TBC1D17: variants seen among roughly 807,000 people sequenced by gnomAD.
TBC1D17 encodes TBC1 domain family member 17, also known as TBC1 domain family, member 17.
A neutral mutation model predicts 78.8 loss-of-function variants in TBC1D17; 69 were observed. The observed-to-expected ratio is 0.88, with a 90% CI of 0.72 to 1.07. The LOEUF is 1.07. Among genes scored for constraint, TBC1D17 ranks in the 50% least tolerant of loss-of-function variants. The pLI, the probability that TBC1D17 is intolerant of heterozygous loss-of-function variation, is 0.00. For missense variants in TBC1D17, 957 were observed against 861.0 expected (o/e 1.11, Z -1.39); for synonymous variants, 456 against 358.3 (o/e 1.27, Z -3.08).
intron 3 of TBC1D17, 123 bp downstream of exon 3, chr19:49,878,695 A>C: frequency 1.1e-6 from 1 of 876,264 alleles, no homozygotes; most frequent in Non-Finnish European, 1.8e-6. Context: ...GACCCTGTTT[A>C]GGCTTGGGTA....
In TBC1D17 at chr19:49,878,184, TAAG is replaced by T. The variant is rs2074976524; in HGVS notation, c.67_69del (p.Lys23del). 1.9e-6 allele frequency: 3 copies of T among 1,576,010 alleles called. No individual in the cohort carries two copies. The highest frequency in any genetic ancestry group is 2.6e-6 in the Non-Finnish European group (3 of 1,161,194). On this transcript the variant is annotated inframe_deletion, in exon 2 of 17. Transcript: ENST00000221543. ...GCGGAGTGTACCTGCACACCAGCGC[TAAG>T]AAGTATCAGGACCGAGACTCTCTCA...
intron 1 of TBC1D17, 98 bp downstream of exon 1, chr19:49,877,842 A>G (rs984873315): frequency 8.4e-6 from 12 of 1,425,996 alleles, no homozygotes; most frequent in Non-Finnish European, 1.1e-5. Context: ...AGAATCCGGC[A>G]CGGCCTTGGC....
intron 15 of TBC1D17, 195 bp downstream of exon 15, chr19:49,888,029 G>C: frequency 1.0e-6 from 1 of 999,764 alleles, no homozygotes; most frequent in Non-Finnish European, 1.5e-6. Flanking sequence ...CCTCCGGGCA[G>C]GTGGGTGGGG....
At chr19:49,884,206 G>GC (rs749370951) in intron 10 of TBC1D17, 47 bp from the exon 11 acceptor site, 55 of 1,560,450 alleles carry the variant, frequency 3.5e-5, no homozygotes, top group Non-Finnish European at 4.8e-5. Context: ...GCAGGGATGG[G>GC]CCCCCCTACC....
chr19:49,882,148 TGTCA>T lies in TBC1D17; in HGVS notation c.638_639+2del. The T allele has an allele frequency of 6.2e-7, 1 of 1,614,042 alleles. No homozygotes were observed. Among genetic ancestry groups the T allele is most frequent in the Non-Finnish European group, 8.5e-7 (1 of 1,179,990 alleles). ...TTTGACCAGGACAGCTCCAATGTGG[TGTCA>T]GTGAGTGTCCCCAGCAGGAGGCCTG... On this transcript the variant is annotated frameshift_variant and splice_region_variant, in exon 6 of 17. Coordinates refer to ENST00000221543, the MANE Select transcript of TBC1D17 (RefSeq NM_024682.3). LOFTEE classifies it high-confidence loss of function.
chr19:49,883,194 G>A (rs532830686), intron 9 of TBC1D17, 118 bp downstream of exon 9: 53 of 895,028 alleles, frequency 5.9e-5, no homozygotes, highest in East Asian at 3.7e-4. Flanking sequence ...ACCATCCTGC[G>A]CCTGTGGAAT....
rs1344067768 is a variant in TBC1D17 at position 49,888,420 on chromosome 19, C to G, written c.1747-4C>G. 11 of 1,599,122 alleles carry G rather than the reference C, an allele frequency of 6.9e-6. No individual in the cohort carries two copies. Among genetic ancestry groups the G allele is most frequent in the African/African-American group, 1.3e-5 (1 of 74,524 alleles). On this transcript the variant is annotated splice_region_variant and splice_polypyrimidine_tract_variant and intron_variant, in intron 16 of 16. Transcript: ENST00000221543. ...TTTTCGCTTCTCTCATCCCGTGCCT[C>G]CAGGAGCTGCCCCACAACGTGCAGG...
chr19:49,878,278 A>AGCGGGATGCAGGCGGT, intron 2 of TBC1D17, 37 bp downstream of exon 2: 1 of 1,538,388 alleles, frequency 6.5e-7, no homozygotes, highest in Non-Finnish European at 8.8e-7. Context: ...ACCCGCTCCG[A>AGCGGGATGCAGGCGGT]GCGGGATGCA....
chr19:49,882,242 C>T lies in TBC1D17; in HGVS notation c.640C>T (p.Arg214Cys), dbSNP rs1226568213. The T allele has an allele frequency of 3.1e-6, 5 of 1,612,046 alleles. No individual in the cohort carries two copies. The highest frequency in any genetic ancestry group is 2.7e-5 in the African/African-American group (2 of 74,910). ...GACCTCCCTTTGGCCTCGTCCCCAGCGCTTCCTCCAGGATCCCTACTCCAC... is the reference window on the plus strand; with the variant it reads ...GACCTCCCTTTGGCCTCGTCCCCAGTGCTTCCTCCAGGATCCCTACTCCAC... ...FDQDSSNVVS[R>C]FLQDPYSTTF... The change falls in exon 7 of 17, where the codon CGC becomes TGC. Residue 214 changes from arginine (R) to cysteine (C), a missense_variant and splice_region_variant. By Grantham distance (180) the Arg-to-Cys change is radical (BLOSUM62 -3). Transcript: ENST00000221543.
Position 49,884,302 on chromosome 19 carries a change from C to G in TBC1D17, c.1176C>G (p.Pro392=), listed in dbSNP as rs113433758. ...TDRTNKFYEG[P]ENPGLGLLND... is the part of the protein sequence containing the mutation. ...GGACCAACAAGTTCTACGAGGGTCCCGAGAACCCGGGGCTGGGCCTGCTGA... is the reference window on the plus strand; with the variant it reads ...GGACCAACAAGTTCTACGAGGGTCCGGAGAACCCGGGGCTGGGCCTGCTGA... Residue 392 remains proline, a synonymous_variant, in exon 11 of 17, where the codon CCC becomes CCG. Coordinates refer to ENST00000221543, the MANE Select transcript of TBC1D17 (RefSeq NM_024682.3). 1.2e-6 allele frequency: 2 copies of G among 1,613,856 alleles called. No homozygotes were observed. The highest frequency in any genetic ancestry group is 1.3e-5 in the African/African-American group (1 of 74,908).
chr19:49,880,298 CAT>C lies in TBC1D17; in HGVS notation c.216_217del (p.Ala74PhefsTer2), dbSNP rs770703887. On this transcript the variant is annotated frameshift_variant, in exon 4 of 17. Coordinates refer to ENST00000221543, the MANE Select transcript of TBC1D17 (RefSeq NM_024682.3). LOFTEE classifies it high-confidence loss of function. The stretch of plus-strand genomic sequence containing the variant: ...CCTAAGGACTCCAGTGGGGGTGACT[CAT>C]GTGCTTCTGAGGAGGAACCAACCTT... 2.3e-5 allele frequency: 37 copies of C among 1,613,972 alleles called. No individual in the cohort carries two copies. Among genetic ancestry groups the C allele is most frequent in the African/African-American group, 8.0e-5 (6 of 74,934 alleles).
chr19:49,880,677 C>T (rs1000233165), intron 4 of TBC1D17, among the ~76,000 whole-genome samples: 1 of 152,162 alleles, frequency 6.6e-6, no homozygotes, highest in Non-Finnish European at 1.5e-5. Flanking sequence ...CCCTGAGGTT[C>T]GAGGCTGGTG....
Position 49,888,526 on chromosome 19 carries a change from G to GCCCCCC in TBC1D17, c.1853_1854insCCCCCC (p.Pro618_Pro619dup). 1.3e-6 allele frequency: 2 copies of GCCCCCC among 1,533,214 alleles called. No individual in the cohort carries two copies. The highest frequency in any genetic ancestry group is 1.8e-6 in the Non-Finnish European group (2 of 1,141,156). 95.0% of individuals were successfully genotyped at this position (1,533,214 alleles called of 1,614,324 possible). On this transcript the variant is annotated inframe_insertion, in exon 17 of 17. Transcript: ENST00000221543. ...CCCGCTGCCTCTGTCGCCCACCCGG[G>GCCCCCC]CCCCGCCCACCCCGCCGCCCTCCAC...
In TBC1D17 at chr19:49,882,856, G is replaced by A. The variant is rs2075027707; in HGVS notation, c.891G>A (p.Gln297=). ...ACGTGGGCCCTGAAGGTCGCCTGCA[G>A]CAGGTCCCTGAGCTGAAGAACCGGA... ...ARHVGPEGRL[Q]QVPELKNRIF... Residue 297 remains glutamine, a synonymous_variant, in exon 8 of 17, where the codon CAG becomes CAA. Coordinates refer to ENST00000221543, the MANE Select transcript of TBC1D17 (RefSeq NM_024682.3). 1 of 1,611,248 alleles carries A rather than the reference G, an allele frequency of 6.2e-7. No homozygotes were observed. The highest frequency in any genetic ancestry group is 8.5e-7 in the Non-Finnish European group (1 of 1,179,266).
At position 49,882,085 on chromosome 19, in the gene TBC1D17, CCT is replaced by C; in HGVS notation, c.575_576del (p.Ser192CysfsTer13). ...CTCTACCTTGTCTTCCCCCACGACT[CCT>C]CTGCTCTCTCCAACTCCTTCCACCA... is the stretch of plus-strand genomic sequence containing the variant. On this transcript the variant is annotated frameshift_variant, in exon 6 of 17. Transcript: ENST00000221543. LOFTEE classifies it high-confidence loss of function. 2 of 1,614,164 alleles carry C rather than the reference CCT, an allele frequency of 1.2e-6. No individual in the cohort carries two copies. The highest frequency in any genetic ancestry group is 1.7e-6 in the Non-Finnish European group (2 of 1,180,012).
At position 49,880,326 on chromosome 19, in the gene TBC1D17, T is replaced by C. The variant is rs2075002213; in HGVS notation, c.243T>C (p.Phe81=). The C allele has an allele frequency of 3.1e-6, 5 of 1,613,976 alleles. No individual in the cohort carries two copies. ...GTGCTTCTGAGGAGGAACCAACCTT[T>C]GACCCCGGCTATGAACCTGACTGGG... is the stretch of plus-strand genomic sequence containing the variant. ...DSCASEEEPT[F]DPGYEPDWAV... is the part of the protein sequence containing the mutation. The change falls in exon 4 of 17, where the codon TTT becomes TTC. Residue 81 remains phenylalanine, a synonymous_variant. Transcript: ENST00000221543.
chr19:49,884,178 G>A lies in TBC1D17; in HGVS notation c.1127-75G>A, dbSNP rs538468622. ...GGCTGCCAGCAGGAGGAGCAGTGGGGGCTGGCACTGGTGGCCAGCAGGGAT... is the reference window on the plus strand; with the variant it reads ...GGCTGCCAGCAGGAGGAGCAGTGGGAGCTGGCACTGGTGGCCAGCAGGGAT... On this transcript the variant is annotated intron_variant, in intron 10 of 16. Coordinates refer to ENST00000221543, the MANE Select transcript of TBC1D17 (RefSeq NM_024682.3). The A allele has an allele frequency of 1.7e-3, 2,219 of 1,331,446 alleles. 2 individuals are homozygous for A. The highest frequency in any genetic ancestry group is 2.7e-3 in the Admixed American group (155 of 58,360). 82.5% of individuals were successfully genotyped at this position (1,331,446 alleles called of 1,614,324 possible). A position where few individuals can be genotyped will look rare whatever the true frequency, so the allele number is the denominator to read the frequency against.
rs771575516 is a variant in TBC1D17 at position 49,888,224 on chromosome 19, C to T, written c.1660-7C>T. The stretch of plus-strand genomic sequence containing the variant: ...CCGACTGGCGCCTGACCCACCCCCT[C>T]CCGCAGCACATCAACGAGCTGACTA... On this transcript the variant is annotated splice_region_variant and splice_polypyrimidine_tract_variant and intron_variant, in intron 15 of 16. Transcript: ENST00000221543. 7.6e-6 allele frequency: 12 copies of T among 1,575,524 alleles called. No homozygotes were observed. Among genetic ancestry groups the T allele is most frequent in the East Asian group, 2.3e-5 (1 of 42,996 alleles).
Position 49,884,763 on chromosome 19 carries a change from G to T in TBC1D17, c.1444+5G>T. 1.9e-6 allele frequency: 3 copies of T among 1,613,490 alleles called. No individual in the cohort carries two copies. Among genetic ancestry groups the T allele is most frequent in the South Asian group, 2.2e-5 (2 of 91,084 alleles). On this transcript the variant is annotated splice_donor_5th_base_variant and intron_variant, in intron 13 of 16. Coordinates refer to ENST00000221543, the MANE Select transcript of TBC1D17 (RefSeq NM_024682.3). ...CCCTGCTCTGCGACTTCCTGGGTAT[G>T]TCTCTCGGGAGGGTGGGCAGGAGAC... is the stretch of plus-strand genomic sequence containing the variant.
Sources: allele counts gnomAD v4.1 joint callset (sites outside exome capture counted in the v4.1 genomes callset), GRCh38; gene constraint gnomAD v4.1.1; transcripts MANE v1.5; gene names NCBI Gene and HGNC (gene_info 2026-07-23, HGNC 2026-07-21).